CASD1: variants seen among roughly 807,000 people sequenced by gnomAD.
CASD1 encodes CAS1 domain sialic acid O acetyltransferase 1, also known as N-acetylneuraminate (7)9-O-acetyltransferase.
Under a neutral mutation model 100.0 loss-of-function variants are expected in CASD1, and 41 were observed. The ratio of observed to expected loss-of-function variants is 0.41; its 90% CI spans 0.32 to 0.53. The LOEUF is 0.53. CASD1 is among the 20% of genes least tolerant of loss of function. The pLI, the probability that CASD1 is intolerant of heterozygous loss-of-function variation, is 0.25. For missense variants in CASD1, 774 were observed against 948.7 expected, an observed-to-expected ratio of 0.82 and a Z score of 2.42; for synonymous variants, 321 against 315.6, an observed-to-expected ratio of 1.02 and a Z score of -0.18.
downstream of CASD1, among the ~76,000 whole-genome samples, chr7:94,558,219 C>G (rs1283070779): frequency 2.6e-5 from 4 of 152,108 alleles, no homozygotes; most frequent in Admixed American, 1.3e-4. Context: ...ATGTGGGACC[C>G]AAGTTCATTT....
chr7:94,629,921 T>C, the CASD1 span: 2 of 1,522,642 alleles, frequency 1.3e-6, no homozygotes, highest in South Asian at 1.1e-5. Context: ...ACGCTGTTTA[T>C]AAAGAGGGGT....
At chr7:94,572,152 ATCT>A in the CASD1 span, among the ~76,000 whole-genome samples, 638 of 152,134 alleles carry the variant, frequency 4.2e-3, 2 homozygotes, top group African/African-American at 0.014. Flanking sequence ...CTCAGGGTTG[ATCT>A]TCTCCTGGAG....
At chr7:94,583,759 C>T in the CASD1 span, among the ~76,000 whole-genome samples, 9 of 152,070 alleles carry the variant, frequency 5.9e-5, no homozygotes, top group African/African-American at 1.7e-4. Context: ...TTAAGTTTAC[C>T]ATCAGGACCC....
chr7:94,587,511 T>A, the CASD1 span: 150 of 1,297,622 alleles, frequency 1.2e-4, no homozygotes, highest in Non-Finnish European at 1.4e-4. Context: ...CTTTTAGAAA[T>A]TTTCCTTTTA....
the CASD1 span, among the ~76,000 whole-genome samples, chr7:94,567,396 A>T: frequency 2.1e-3 from 314 of 152,220 alleles, no homozygotes; most frequent in African/African-American, 7.4e-3. Context: ...CAGAATTCTA[A>T]TATCTGAGTA....
chr7:94,520,166 A>G (rs566694138), intron 3 of CASD1, among the ~76,000 whole-genome samples: 2 of 152,344 alleles, frequency 1.3e-5, no homozygotes, highest in South Asian at 2.1e-4. Context: ...TCAAGCTGCT[A>G]GTGGAGCATT....
At chr7:94,592,489 A>G in the CASD1 span, among the ~76,000 whole-genome samples, 1 of 152,182 alleles carries the variant, frequency 6.6e-6, no homozygotes, top group East Asian at 1.9e-4. Context: ...ATTATGTGTA[A>G]ACTGCATTAT....
At chr7:94,582,553 C>T in the CASD1 span, among the ~76,000 whole-genome samples, 1 of 152,086 alleles carries the variant, frequency 6.6e-6, no homozygotes, top group Non-Finnish European at 1.5e-5. Flanking sequence ...GGATATTAGA[C>T]CTTTGTCAGA....
At chr7:94,624,262 A>G in the CASD1 span, 1 of 398,124 alleles carries the variant, frequency 2.5e-6, no homozygotes, top group Admixed American at 4.4e-5. Flanking sequence ...GAGACAAAAG[A>G]GTAGGATAAA....
At chr7:94,615,238 A>C in the CASD1 span, among the ~76,000 whole-genome samples, 46 of 152,150 alleles carry the variant, frequency 3.0e-4, no homozygotes, top group Non-Finnish European at 5.9e-4. Flanking sequence ...AGGTGCCTGT[A>C]ATCTCAGCTA....
chr7:94,511,298 ACT>A (rs1793696303), intron 1 of CASD1, among the ~76,000 whole-genome samples: 1 of 152,210 alleles, frequency 6.6e-6, no homozygotes, highest in South Asian at 2.1e-4. Flanking sequence ...ATTTACACCT[ACT>A]TTGGCAAAAT....
At chr7:94,598,528 T>C in the CASD1 span, 1 of 467,806 alleles carries the variant, frequency 2.1e-6, no homozygotes, top group South Asian at 2.6e-5. Flanking sequence ...AATATCAGTG[T>C]CAATTTCTTA....
the CASD1 span, among the ~76,000 whole-genome samples, chr7:94,616,148 G>T: frequency 6.6e-6 from 1 of 152,144 alleles, no homozygotes; most frequent in Non-Finnish European, 1.5e-5. Context: ...CTCAGATGCT[G>T]CAGGTTGGGC....
intron 1 of CASD1, among the ~76,000 whole-genome samples, chr7:94,512,607 T>C (rs189867829): frequency 6.6e-6 from 1 of 152,352 alleles, no homozygotes; most frequent in East Asian, 1.9e-4. Flanking sequence ...CAGGGACTGT[T>C]CTACTAAAGG....
At chr7:94,512,663 G>A (rs1584368478) in intron 1 of CASD1, among the ~76,000 whole-genome samples, 1 of 152,146 alleles carries the variant, frequency 6.6e-6, no homozygotes, top group African/African-American at 2.4e-5. Flanking sequence ...ATTCTATGAG[G>A]TAGATACAAT....
intron 5 of CASD1, among the ~76,000 whole-genome samples, chr7:94,531,122 G>A (rs144117496): frequency 3.3e-5 from 5 of 152,230 alleles, no homozygotes; most frequent in African/African-American, 1.2e-4. Flanking sequence ...TTGGTTACAG[G>A]TGTAAGACAG....
At chr7:94,523,044 A>G (rs908309862) in intron 3 of CASD1, among the ~76,000 whole-genome samples, 2 of 152,228 alleles carry the variant, frequency 1.3e-5, no homozygotes, top group Non-Finnish European at 2.9e-5. Flanking sequence ...CTTTAAGGTA[A>G]GTTACTTTAT....
Position 94,536,773 on chromosome 7 carries a change from A to G in CASD1, c.844-699A>G, listed in dbSNP as rs191899399. ...TAAACTATGAAGTTTTTATAAAACT[A>G]GAGTTTGACTGAATCTTCAACTAGA... On this transcript the variant is annotated intron_variant, in intron 8 of 17. Transcript: ENST00000297273. 1.5e-3 allele frequency among the ~76,000 whole-genome samples: 225 copies of G among 152,338 alleles called. 1 individual carries two copies. The highest frequency in any genetic ancestry group is 1.3e-3 in the Non-Finnish European group (86 of 68,034).
chr7:94,547,736 A>G (rs1332639711), intron 13 of CASD1, among the ~76,000 whole-genome samples: 1 of 151,718 alleles, frequency 6.6e-6, no homozygotes, highest in Admixed American at 6.6e-5. Flanking sequence ...CAATCTTGCT[A>G]CCTGCTGGTT....
Sources: allele counts gnomAD v4.1 joint callset (sites outside exome capture counted in the v4.1 genomes callset), GRCh38; gene constraint gnomAD v4.1.1; transcripts MANE v1.5; gene names NCBI Gene and HGNC (gene_info 2026-07-23, HGNC 2026-07-21).